SNX29: variants seen among roughly 807,000 people sequenced by gnomAD.
The protein encoded by SNX29 is sorting nexin 29, also known as sorting nexin-29.
Under a neutral mutation model 102.1 loss-of-function variants are expected in SNX29, and 78 were observed. The ratio of observed to expected loss-of-function variants is 0.76; its 90% CI spans 0.64 to 0.92. The LOEUF is 0.92. Among genes scored for constraint, SNX29 ranks in the 40% least tolerant of loss-of-function variants. The probability of loss-of-function intolerance (pLI) is 0.00; values close to 1 mark genes in which losing one functional copy is unlikely to be tolerated. For synonymous variants in SNX29, 580 were observed against 414.5 expected, an observed-to-expected ratio of 1.40 and a Z score of -4.85; for missense variants, 1,280 against 1,061.7, an observed-to-expected ratio of 1.21 and a Z score of -2.86.
chr16:12,512,417 T>TATAC (rs2089671545), intron 19 of SNX29, among the ~76,000 whole-genome samples: 1 of 72,638 alleles, frequency 1.4e-5, no homozygotes, highest in African/African-American at 6.2e-5. Context: ...TATATATATA[T>TATAC]AGTTTTCGGT....
At chr16:12,174,058 A>G (rs1487915896) in intron 13 of SNX29, among the ~76,000 whole-genome samples, 2 of 152,236 alleles carry the variant, frequency 1.3e-5, no homozygotes, top group African/African-American at 2.4e-5. Flanking sequence ...TTGGGATTAC[A>G]GACATGAGCC....
At chr16:12,378,330 G>A (rs892147713) in intron 16 of SNX29, among the ~76,000 whole-genome samples, 1 of 152,076 alleles carries the variant, frequency 6.6e-6, no homozygotes, top group African/African-American at 2.4e-5. Flanking sequence ...GAGGTGCCAG[G>A]TTCTTTAAAA....
intron 13 of SNX29, among the ~76,000 whole-genome samples, chr16:12,168,753 A>G (rs2076075762): frequency 6.6e-6 from 1 of 152,210 alleles, no homozygotes. Flanking sequence ...TTGAGTTATT[A>G]TTAGATCGTT....
At chr16:12,424,911 A>G (rs776187088) in intron 18 of SNX29, among the ~76,000 whole-genome samples, 1 of 152,244 alleles carries the variant, frequency 6.6e-6, no homozygotes, top group Non-Finnish European at 1.5e-5. Flanking sequence ...AACCACATCA[A>G]TAAATGGAGG....
At chr16:12,495,905 T>C (rs956095084) in intron 19 of SNX29, among the ~76,000 whole-genome samples, 4 of 152,122 alleles carry the variant, frequency 2.6e-5, no homozygotes, top group Non-Finnish European at 4.4e-5. Context: ...ATACAAAAAT[T>C]AGACAGATAC....
chr16:12,375,182 A>G (rs995262884), intron 16 of SNX29: 3 of 152,228 alleles, frequency 2.0e-5, no homozygotes, highest in Non-Finnish European at 2.9e-5. Flanking sequence ...GATTTTATCC[A>G]TGGATTGCAG....
chr16:12,489,730 G>A (rs1229477927), intron 19 of SNX29, among the ~76,000 whole-genome samples: 1 of 152,154 alleles, frequency 6.6e-6, no homozygotes, highest in East Asian at 1.9e-4. Context: ...TCCCACATAG[G>A]CATGCTTGCT....
chr16:12,413,074 CTTTTG>C (rs939393315), intron 18 of SNX29, among the ~76,000 whole-genome samples: 3 of 152,154 alleles, frequency 2.0e-5, no homozygotes, highest in Non-Finnish European at 2.9e-5. Flanking sequence ...AGATTGGCAG[CTTTTG>C]TTTTGTTTTG....
chr16:12,454,668 T>C (rs2086457515), intron 18 of SNX29, among the ~76,000 whole-genome samples: 1 of 152,214 alleles, frequency 6.6e-6, no homozygotes, highest in African/African-American at 2.4e-5. Context: ...AGACTTGAGC[T>C]TGAGTGCAGT....
chr16:12,077,453 G>A lies in SNX29; in HGVS notation c.1320-1380G>A, dbSNP rs528191183. Among the ~76,000 whole-genome samples, 17 of 151,232 alleles carry A rather than the reference G, an allele frequency of 1.1e-4. No homozygotes were observed. In the East Asian group the frequency reaches 1.6e-3, roughly 14 times the overall value. On this transcript the variant is annotated intron_variant, in intron 10 of 20. Transcript: ENST00000566228. ...TATCTCTGTTAACCATGTGATGACCGTGCTGTTCTCACCAAAGACACTAAA... is the reference window on the plus strand; with the variant it reads ...TATCTCTGTTAACCATGTGATGACCATGCTGTTCTCACCAAAGACACTAAA...
At chr16:12,525,128 A>T (rs982484714) in intron 20 of SNX29, among the ~76,000 whole-genome samples, 11 of 152,274 alleles carry the variant, frequency 7.2e-5, no homozygotes, top group Non-Finnish European at 1.5e-4. Context: ...ATTTCGATCA[A>T]GGGAAGATTA....
chr16:12,152,132 G>A (rs2055328407), intron 13 of SNX29, among the ~76,000 whole-genome samples: 1 of 152,130 alleles, frequency 6.6e-6, no homozygotes, highest in South Asian at 2.1e-4. Flanking sequence ...GAGGTGGGAA[G>A]ATTGCTTGGG....
At chr16:12,419,562 GCC>G (rs34648432) in intron 18 of SNX29, among the ~76,000 whole-genome samples, 86 of 147,578 alleles carry the variant, frequency 5.8e-4, no homozygotes, top group South Asian at 1.1e-3. Context: ...ATCAGACTCA[GCC>G]CCCCCCCCCA....
chr16:12,383,898 T>C (rs1020586473), intron 16 of SNX29, among the ~76,000 whole-genome samples: 1 of 151,366 alleles, frequency 6.6e-6, no homozygotes, highest in African/African-American at 2.4e-5. Context: ...CTGGTAACTA[T>C]CATTCTACTC....
At chr16:12,160,057 A>G (rs1403420199) in intron 13 of SNX29, among the ~76,000 whole-genome samples, 1 of 152,188 alleles carries the variant, frequency 6.6e-6, no homozygotes, top group African/African-American at 2.4e-5. Context: ...TCTCTAACAA[A>G]TGGTTCTAGG....
intron 18 of SNX29, among the ~76,000 whole-genome samples, chr16:12,430,879 C>G (rs1168196075): frequency 7.0e-6 from 1 of 143,782 alleles, no homozygotes; most frequent in Non-Finnish European, 1.5e-5. Flanking sequence ...GAGATGGAAT[C>G]TCACTCTGTC....
At chr16:12,035,053 G>C (rs1334868847) in intron 4 of SNX29, among the ~76,000 whole-genome samples, 1 of 151,884 alleles carries the variant, frequency 6.6e-6, no homozygotes, top group East Asian at 1.9e-4. Context: ...CCTCTGAGTT[G>C]TCAGTTTTTA....
At chr16:12,500,731 C>G (rs1279965850) in intron 19 of SNX29, among the ~76,000 whole-genome samples, 1 of 152,230 alleles carries the variant, frequency 6.6e-6, no homozygotes, top group Non-Finnish European at 1.5e-5. Flanking sequence ...ATTTCAGGCC[C>G]CATCCCAGAC....
chr16:12,328,508 AG>A (rs775225181), intron 15 of SNX29, among the ~76,000 whole-genome samples: 12 of 152,182 alleles, frequency 7.9e-5, no homozygotes, highest in Non-Finnish European at 1.6e-4. Flanking sequence ...ACTCTCAGCC[AG>A]GGTGAGGCTG....
Sources: allele counts gnomAD v4.1 joint callset (sites outside exome capture counted in the v4.1 genomes callset), GRCh38; gene constraint gnomAD v4.1.1; transcripts MANE v1.5; gene names NCBI Gene and HGNC (gene_info 2026-07-23, HGNC 2026-07-21).